The following CEP95 variants were observed in gnomAD, a reference collection of about 807,000 sequenced individuals.
CEP95 encodes centrosomal protein 95.
CEP95 carries 98 observed loss-of-function variants against 111.2 expected under a neutral mutation model. That is an observed-to-expected ratio of 0.88 (90% CI 0.75 to 1.04). The LOEUF is 1.04. Ranked by LOEUF, CEP95 falls within the 50% of genes least tolerant of loss-of-function variation. The pLI, the probability that CEP95 is intolerant of heterozygous loss-of-function variation, is 0.00. For synonymous variants in CEP95, 323 were observed against 327.1 expected, an observed-to-expected ratio of 0.99 and a Z score of 0.14; for missense variants, 1,027 against 977.2, an observed-to-expected ratio of 1.05 and a Z score of -0.68.
In CEP95 at chr17:64,510,232, G is replaced by A. The variant is rs1221119615; in HGVS notation, c.208G>A (p.Asp70Asn). 6.2e-7 allele frequency: 1 copy of A among 1,612,032 alleles called. No homozygotes were observed. The highest frequency in any genetic ancestry group is 1.3e-5 in the African/African-American group (1 of 74,852). ...TGCACACAATGTACAAGCAGTAATT[G>A]ATTCACTGGCCTTGGACTACTTGCA... ...DDAHNVQAVI[D>N]SLALDYLQVS... Residue 70 changes from aspartate (D) to asparagine (N), a missense_variant, in exon 3 of 20, where the codon GAT becomes AAT. By Grantham distance (23) the Asp-to-Asn change is conservative. Transcript: ENST00000556440.
intron 1 of CEP95, chr17:64,508,355 A>C (rs1555673617): frequency 1.0e-6 from 1 of 985,098 alleles, no homozygotes; most frequent in African/African-American, 1.7e-5. Context: ...AATTTGCAGT[A>C]TAGTTTTGAC....
intron 7 of CEP95, among the ~76,000 whole-genome samples, 195 bp from the exon 8 acceptor site, chr17:64,522,507 A>G (rs1021027350): frequency 2.0e-5 from 3 of 151,968 alleles, no homozygotes; most frequent in Non-Finnish European, 2.9e-5. Flanking sequence ...AAAAAAAATT[A>G]CATCCTAATT....
At chr17:64,526,295 T>G (rs956229177) in intron 10 of CEP95, 95 bp downstream of exon 10, 250 of 1,221,564 alleles carry the variant, frequency 2.0e-4, no homozygotes, top group Admixed American at 6.4e-4. Context: ...AGAAAATTAG[T>G]TGTGTCTTAT....
chr17:64,509,080 C>G (rs1332938059), intron 2 of CEP95, among the ~76,000 whole-genome samples: 1 of 152,082 alleles, frequency 6.6e-6, no homozygotes, highest in African/African-American at 2.4e-5. Flanking sequence ...AATGTACCTT[C>G]AAAGGTTGTA....
At position 64,537,025 on chromosome 17, in the gene CEP95, T is replaced by A; in HGVS notation, c.2218-16T>A. 1 of 1,595,400 alleles carries A rather than the reference T, an allele frequency of 6.3e-7. No individual in the cohort carries two copies. The highest frequency in any genetic ancestry group is 1.7e-5 in the Admixed American group (1 of 57,704). The stretch of plus-strand genomic sequence containing the variant: ...ACATTAAATATAATATTTGTTTTTT[T>A]TCTTCCTATAAACAGTTTTCATTGC... On this transcript the variant is annotated splice_polypyrimidine_tract_variant and intron_variant, in intron 18 of 19. Transcript: ENST00000556440.
chr17:64,530,254 T>C (rs546189520), intron 12 of CEP95, among the ~76,000 whole-genome samples: 9 of 152,050 alleles, frequency 5.9e-5, no homozygotes, highest in Non-Finnish European at 1.2e-4. Flanking sequence ...GGCATGGCAG[T>C]GCACACCTGT....
In CEP95 at chr17:64,529,299, C is replaced by A; in HGVS notation, c.1318C>A (p.Arg440Ser). Residue 440 changes from arginine to serine, a missense_variant, in exon 12 of 20, where the codon CGT becomes AGT. Arg to Ser is a moderately radical substitution (Grantham distance 110). Transcript: ENST00000556440. The part of the protein sequence containing the change: ...PKKSRPGLSM[R>S]RKPPYRSHSL... Reference sequence around the variant, plus strand: ...TTTCTCTGTTGCAGGACTTTCCATGCGTAGAAAGCCACCCTACAGATCCCA... The same window carrying A: ...TTTCTCTGTTGCAGGACTTTCCATGAGTAGAAAGCCACCCTACAGATCCCA... 1.2e-6 allele frequency: 2 copies of A among 1,612,272 alleles called. No homozygotes were observed. The highest frequency in any genetic ancestry group is 1.7e-6 in the Non-Finnish European group (2 of 1,179,274).
chr17:64,536,648 G>A lies in CEP95; in HGVS notation c.2117G>A (p.Arg706Lys), dbSNP rs1968677827. 1.2e-6 allele frequency: 2 copies of A among 1,609,860 alleles called. No individual in the cohort carries two copies. The highest frequency in any genetic ancestry group is 1.7e-5 in the Admixed American group (1 of 59,126). ...GAAGGTTTAAACATTCAAAAGCAAA[G>A]ATTACGAGACCTAAGAAACTATGCC... ...FEEGLNIQKQ[R>K]LRDLRNYAKE... The change falls in exon 18 of 20, where the codon AGA becomes AAA. Residue 706 changes from arginine (R) to lysine (K), a missense_variant. By Grantham distance (26) the Arg-to-Lys change is conservative (BLOSUM62 2). Transcript: ENST00000556440.
At chr17:64,518,481 T>C (rs142977062) in intron 5 of CEP95, among the ~76,000 whole-genome samples, 1 of 152,326 alleles carries the variant, frequency 6.6e-6, no homozygotes, top group East Asian at 1.9e-4. Flanking sequence ...CCAGTATCAT[T>C]GATCATTTTC....
At chr17:64,516,996 A>G (rs1598197808) in intron 5 of CEP95, among the ~76,000 whole-genome samples, 168 bp downstream of exon 5, 2 of 152,352 alleles carry the variant, frequency 1.3e-5, no homozygotes, top group East Asian at 3.9e-4. Context: ...ACCTTGAGTT[A>G]CATATAATAC....
chr17:64,530,506 ATTTT>A (rs55675645), intron 12 of CEP95, among the ~76,000 whole-genome samples: 2 of 118,526 alleles, frequency 1.7e-5, no homozygotes, highest in African/African-American at 3.2e-5. Flanking sequence ...CCTCTTTTGT[ATTTT>A]TTTTTTTTTT....
intron 4 of CEP95, among the ~76,000 whole-genome samples, chr17:64,515,558 G>GATACTTTTATGTGAGTCTGGTGGTGGTGA (rs2039097539): frequency 6.6e-6 from 1 of 152,152 alleles, no homozygotes; most frequent in Non-Finnish European, 1.5e-5. Context: ...GCAACTGAGA[G>GATACTTTTATGTGAGTCTGGTGGTGGTGA]ATACTTTTAT....
chr17:64,506,786 C>T (rs1430519477), upstream of CEP95: 12 of 539,446 alleles, frequency 2.2e-5, no homozygotes, highest in African/African-American at 1.9e-4. Context: ...CCGGGACCCG[C>T]CCGGGCTGCC....
chr17:64,532,203 A>G, intron 14 of CEP95, 181 bp downstream of exon 14: 4 of 1,283,144 alleles, frequency 3.1e-6, no homozygotes, highest in Non-Finnish European at 3.9e-6. Context: ...TCAATAAGGA[A>G]GTACTTCAGG....
chr17:64,537,933 A>G lies in CEP95; in HGVS notation c.*154A>G. ...ACTTTTTATGATTTTTTAAATAAAA[A>G]TTGTTTTCTAAAAGCTTATTGCTTT... On this transcript the variant is annotated 3_prime_UTR_variant, in exon 20 of 20. Transcript: ENST00000556440. 1 of 446,216 alleles carries G rather than the reference A, an allele frequency of 2.2e-6. No individual in the cohort carries two copies. Among genetic ancestry groups the G allele is most frequent in the Non-Finnish European group, 3.7e-6 (1 of 267,078 alleles). The allele number at this position is 446,216 out of a possible 1,614,324, so 27.6% of individuals were successfully genotyped here. A position where few individuals can be genotyped will look rare whatever the true frequency, so the allele number is the denominator to read the frequency against.
intron 11 of CEP95, among the ~76,000 whole-genome samples, chr17:64,527,887 T>TAC (rs781841680): frequency 2.8e-5 from 4 of 144,678 alleles, no homozygotes; most frequent in East Asian, 4.2e-4. Context: ...TATATATATA[T>TAC]ATATACACAC....
rs917389853 is a variant in CEP95, at chr17:64,534,719, G to A, written c.2052G>A (p.Met684Ile). ...AGTTGTGTGCAAAAATGATGAGAAT[G>A]AGGACCCGGGAAGAAATGGTAAGTC... ...RVQLCAKMMR[M>I]RTREEMIFKK... Residue 684 changes from methionine to isoleucine, a missense_variant, in exon 17 of 20, where the codon ATG becomes ATA. Met to Ile is a conservative substitution (Grantham distance 10). Coordinates refer to ENST00000556440, the MANE Select transcript of CEP95 (RefSeq NM_138363.3). 3 of 1,612,250 alleles carry A rather than the reference G, an allele frequency of 1.9e-6. No individual in the cohort carries two copies. Among genetic ancestry groups the A allele is most frequent in the Non-Finnish European group, 2.5e-6 (3 of 1,179,046 alleles).
At chr17:64,510,152 T>A (rs190575565) in intron 2 of CEP95, 21 bp from the exon 3 acceptor site, 5 of 1,430,854 alleles carry the variant, frequency 3.5e-6, no homozygotes, top group Middle Eastern at 1.7e-4. Flanking sequence ...TACAAAATTA[T>A]GTGATTTTTT....
At chr17:64,507,754 A>G in intron 1 of CEP95, 1 of 985,674 alleles carries the variant, frequency 1.0e-6, no homozygotes, top group Non-Finnish European at 1.2e-6. Context: ...CATGGAAAAT[A>G]CACTCTCATT....
Sources: gnomAD v4.1 joint callset for allele counts (sites outside exome capture counted in the v4.1 genomes callset) on GRCh38, gnomAD v4.1.1 for gene constraint, MANE v1.5 for transcripts, NCBI Gene and HGNC (gene_info 2026-07-23, HGNC 2026-07-21) for gene names.